SLCO1B1: variants seen among roughly 807,000 people sequenced by gnomAD.
The protein encoded by SLCO1B1 is OATP-2.
SLCO1B1 carries 81 observed loss-of-function variants against 70.1 expected under a neutral mutation model. The observed-to-expected ratio is 1.16, with a 90% confidence interval of 0.97 to 1.39. SLCO1B1 has a LOEUF of 1.39. SLCO1B1 is among the 40% of genes most tolerant of loss of function. The pLI, the probability that SLCO1B1 is intolerant of heterozygous loss-of-function variation, is 0.00. For synonymous variants in SLCO1B1, 283 were observed against 271.5 expected (o/e 1.04, Z -0.42); for missense variants, 895 against 799.6 (o/e 1.12, Z -1.44).
intron 10 of SLCO1B1, among the ~76,000 whole-genome samples, chr12:21,203,545 C>T (rs1565438038): frequency 2.0e-5 from 3 of 151,956 alleles, no homozygotes; most frequent in Admixed American, 6.6e-5. Context: ...GTCTGGATCC[C>T]ATGAGGTGTT....
At chr12:21,199,085 CTTTT>C (rs1305240922) in intron 8 of SLCO1B1, among the ~76,000 whole-genome samples, 2 of 151,990 alleles carry the variant, frequency 1.3e-5, no homozygotes, top group African/African-American at 4.8e-5. Context: ...CTTATCTCTT[CTTTT>C]TTTCTTTTCT....
chr12:21,141,958 A>C (rs1940315482), intron 2 of SLCO1B1, among the ~76,000 whole-genome samples: 2 of 151,928 alleles, frequency 1.3e-5, no homozygotes, highest in South Asian at 4.1e-4. Context: ...TGTGATTAAA[A>C]TAAAAAATGC....
chr12:21,182,916 T>C lies in SLCO1B1; in HGVS notation c.727+3896T>C, dbSNP rs575066266. 1.3e-5 allele frequency among the ~76,000 whole-genome samples: 2 copies of C among 152,340 alleles called. 1 individual carries two copies. The highest frequency in any genetic ancestry group is 4.1e-4 in the South Asian group (2 of 4,828). Reference sequence around the variant, plus strand: ...GGCCCAGTCCAGGAAGGCTGTGTCCTGTCTGCCAGCTGCTGCCTCTGCCTA... The same window carrying C: ...GGCCCAGTCCAGGAAGGCTGTGTCCCGTCTGCCAGCTGCTGCCTCTGCCTA... On this transcript the variant is annotated intron_variant, in intron 7 of 14. Coordinates refer to ENST00000256958, the MANE Select transcript of SLCO1B1 (RefSeq NM_006446.5).
chr12:21,229,425 A>G (rs981037230), intron 14 of SLCO1B1, among the ~76,000 whole-genome samples: 3 of 152,140 alleles, frequency 2.0e-5, no homozygotes, highest in Non-Finnish European at 4.4e-5. Context: ...CCTGGAGACC[A>G]CTGTGCTTTT....
intron 7 of SLCO1B1, among the ~76,000 whole-genome samples, chr12:21,188,776 C>T (rs1237505626): frequency 6.6e-6 from 1 of 152,106 alleles, no homozygotes; most frequent in Non-Finnish European, 1.5e-5. Flanking sequence ...TCCCTGCTTC[C>T]CCTTCCCCTT....
Position 21,239,484 on chromosome 12 carries a change from A to G in SLCO1B1, c.*295A>G, listed in dbSNP as rs1941627365. The stretch of plus-strand genomic sequence containing the variant: ...GTAATAAAAGAAAAAATACTTGTTC[A>G]GGTAATTCTAATTCTTAATAAAACA... On this transcript the variant is annotated 3_prime_UTR_variant, in exon 15 of 15. Transcript: ENST00000256958. Among the ~76,000 whole-genome samples, 1 of 152,214 alleles carries G rather than the reference A, an allele frequency of 6.6e-6. No homozygotes were observed. Among genetic ancestry groups the G allele is most frequent in the South Asian group, 2.1e-4 (1 of 4,836 alleles).
At chr12:21,168,078 C>G (rs938040000) in intron 2 of SLCO1B1, among the ~76,000 whole-genome samples, 5 of 151,858 alleles carry the variant, frequency 3.3e-5, no homozygotes, top group African/African-American at 1.2e-4. Flanking sequence ...ACCTTGGCCT[C>G]CAAAAGTGCT....
At chr12:21,218,946 C>G (rs1941391827) in intron 12 of SLCO1B1, among the ~76,000 whole-genome samples, 4 of 152,078 alleles carry the variant, frequency 2.6e-5, no homozygotes. Flanking sequence ...CACTATGAAG[C>G]TATTTTTTAA....
At position 21,134,046 on chromosome 12, in the gene SLCO1B1, T is replaced by C. The variant is rs1208699050; in HGVS notation, c.-62+2810T>C. Among the ~76,000 whole-genome samples, 13 of 152,184 alleles carry C rather than the reference T, an allele frequency of 8.5e-5. 1 individual carries two copies. Among genetic ancestry groups the C allele is most frequent in the Admixed American group, 3.3e-4 (5 of 15,272 alleles). ...TATTGAGAGTTTTTAGCATGAAGGG[T>C]TGTTGAATTTTGTCAAAGGCCTTTT... On this transcript the variant is annotated intron_variant, in intron 1 of 14. Transcript: ENST00000256958.
intron 12 of SLCO1B1, among the ~76,000 whole-genome samples, chr12:21,219,912 C>T (rs1343648236): frequency 6.6e-6 from 1 of 152,170 alleles, no homozygotes; most frequent in Non-Finnish European, 1.5e-5. Flanking sequence ...CAGGTGCACG[C>T]CACCGTGCCT....
Position 21,141,608 on chromosome 12 carries a change from G to A in SLCO1B1, c.34G>A (p.Glu12Lys), listed in dbSNP as rs756064979. 3 of 1,609,024 alleles carry A rather than the reference G, an allele frequency of 1.9e-6. No homozygotes were observed. In the African/African-American group the frequency reaches 4.0e-5, roughly 22 times the overall value. The part of the protein sequence containing the change: ...DQNQHLNKTA[E>K]AQPSENKKTR... ...AAATCAACATTTGAATAAAACAGCAGAGGCACAACCTTCAGAGAATAAGAA... is the reference window on the plus strand; with the variant it reads ...AAATCAACATTTGAATAAAACAGCAAAGGCACAACCTTCAGAGAATAAGAA... The change falls in exon 2 of 15, where the codon GAG (glutamate) becomes AAG (lysine). Residue 12 changes from glutamate to lysine, a missense_variant. Transcript: ENST00000256958.
At chr12:21,186,298 A>T (rs1940960978) in intron 7 of SLCO1B1, among the ~76,000 whole-genome samples, 2 of 152,154 alleles carry the variant, frequency 1.3e-5, no homozygotes, top group Admixed American at 1.3e-4. Flanking sequence ...TACTGCTGTA[A>T]TAATTTCATA....
chr12:21,169,122 G>A (rs11045813), intron 2 of SLCO1B1, among the ~76,000 whole-genome samples: 16,864 of 152,078 alleles, frequency 0.11, 1,246 homozygotes, highest in Non-Finnish European at 0.16. Context: ...GAGGCTGTCC[G>A]CTTCCTTGTA....
intron 11 of SLCO1B1, among the ~76,000 whole-genome samples, chr12:21,215,053 C>G (rs904412561): frequency 3.9e-5 from 6 of 152,224 alleles, no homozygotes; most frequent in South Asian, 2.1e-4. Flanking sequence ...AGCTGTAGAC[C>G]GGAGCTGTTC....
intron 3 of SLCO1B1, among the ~76,000 whole-genome samples, 186 bp downstream of exon 3, chr12:21,172,977 G>C (rs1940774658): frequency 6.6e-6 from 1 of 152,160 alleles, no homozygotes; most frequent in African/African-American, 2.4e-5. Context: ...GGTATCTAAA[G>C]GTAGAGGTCA....
At chr12:21,133,542 C>T (rs914253801) in intron 1 of SLCO1B1, among the ~76,000 whole-genome samples, 1 of 151,992 alleles carries the variant, frequency 6.6e-6, no homozygotes, top group Non-Finnish European at 1.5e-5. Context: ...TGAAGAGGTC[C>T]TTCACATCCC....
Position 21,211,486 on chromosome 12 carries a change from C to T in SLCO1B1, c.1497+5453C>T, listed in dbSNP as rs1941284149. 5.3e-5 allele frequency among the ~76,000 whole-genome samples: 8 copies of T among 152,220 alleles called. No homozygotes were observed. In the South Asian group the frequency reaches 1.7e-3, roughly 32 times the overall value. On this transcript the variant is annotated intron_variant, in intron 11 of 14. Transcript: ENST00000256958. ...GCCAGTATTTTATTGAGGATTTTTG[C>T]ATCAATGTTCATCAAGGATATTGGT...
At chr12:21,188,404 A>T (rs1374492426) in intron 7 of SLCO1B1, among the ~76,000 whole-genome samples, 3 of 152,092 alleles carry the variant, frequency 2.0e-5, no homozygotes, top group Non-Finnish European at 2.9e-5. Context: ...AGCTTACTTT[A>T]TATTAAGAAT....
chr12:21,222,372 G>GGAAAAAAAAAAAAAAAAA lies in SLCO1B1; in HGVS notation c.1747+8_1747+9insGAAAAAAAAAAAAAAAAA. 4.1e-5 allele frequency: 1 copy of GGAAAAAAAAAAAAAAAAA among 24,436 alleles called. No homozygotes were observed. The highest frequency in any genetic ancestry group is 6.9e-5 in the Non-Finnish European group (1 of 14,508). 1.5% of individuals were successfully genotyped at this position (24,436 alleles called of 1,614,324 possible). ...TGGTTATACGAGCACTAGGTATGAT[G>GGAAAAAAAAAAAAAAAAA]AAAAAAAAAAAAAAAAAAAAAAAAA... is the stretch of plus-strand genomic sequence containing the variant. On this transcript the variant is annotated intron_variant, in intron 13 of 14. Coordinates refer to ENST00000256958, the MANE Select transcript of SLCO1B1 (RefSeq NM_006446.5).
Sources: gnomAD v4.1 joint callset for allele counts (sites outside exome capture counted in the v4.1 genomes callset) on GRCh38, gnomAD v4.1.1 for gene constraint, MANE v1.5 for transcripts, NCBI Gene and HGNC (gene_info 2026-07-23, HGNC 2026-07-21) for gene names.